SNAP91: variants seen among roughly 807,000 people sequenced by gnomAD.
The protein encoded by SNAP91 is synaptosome associated protein 91, also known as clathrin coat assembly protein AP180.
In SNAP91, 27 loss-of-function variants were observed where a neutral mutation model predicts 100.3. The observed-to-expected ratio is 0.27, with a 90% confidence interval of 0.20 to 0.37. The LOEUF is 0.37. SNAP91 is among the 10% of genes least tolerant of loss of function. The pLI, the probability that SNAP91 is intolerant of heterozygous loss-of-function variation, is 1.00. For missense variants in SNAP91, 986 were observed against 1,123.7 expected (o/e 0.88, Z 1.75); for synonymous variants, 404 against 398.6 (o/e 1.01, Z -0.16).
chr6:83,678,746 A>G (rs1255303019), intron 2 of SNAP91: 1 of 1,289,398 alleles, frequency 7.8e-7, no homozygotes, highest in East Asian at 5.5e-5. Flanking sequence ...TCCCAGCATT[A>G]TCCCACCTCT....
rs2095571184 is a variant in SNAP91, at chr6:83,605,767, C to A, written c.1059G>T (p.Gln353His). 1 of 1,553,136 alleles carries A rather than the reference C, an allele frequency of 6.4e-7. No homozygotes were observed. Among genetic ancestry groups the A allele is most frequent in the Non-Finnish European group, 8.7e-7 (1 of 1,147,854 alleles). ...CTGCCCCTCCAGAGGAAAAGTCTGGCTGGAGGTCCAGGAGATCACTAGATG... is the reference window on the plus strand; with the variant it reads ...CTGCCCCTCCAGAGGAAAAGTCTGGATGGAGGTCCAGGAGATCACTAGATG... ...SKPSSDLLDL[Q>H]PDFSSGGAAA... is the part of the protein sequence containing the mutation. Residue 353 changes from glutamine (Q) to histidine (H), a missense_variant, in exon 14 of 30, where the codon CAG (glutamine) becomes CAT (histidine). Transcript: ENST00000369694.
chr6:83,586,858 T>C (rs2128159723), intron 22 of SNAP91, among the ~76,000 whole-genome samples: 1 of 152,050 alleles, frequency 6.6e-6, no homozygotes, highest in South Asian at 2.1e-4. Flanking sequence ...ATGATTTTTC[T>C]AGTCTGGCCT....
intron 26 of SNAP91, among the ~76,000 whole-genome samples, chr6:83,566,395 A>G (rs1796623077): frequency 1.3e-5 from 2 of 152,170 alleles, no homozygotes; most frequent in Admixed American, 1.3e-4. Flanking sequence ...AAGAAAGAAA[A>G]TACCTATAAA....
At chr6:83,638,859 G>A (rs531955980) in intron 8 of SNAP91, among the ~76,000 whole-genome samples, 110 of 152,246 alleles carry the variant, frequency 7.2e-4, no homozygotes, top group Non-Finnish European at 1.5e-3. Flanking sequence ...CTACGATTCC[G>A]ATATCTACCT....
At chr6:83,643,861 T>C (rs1477796478) in intron 7 of SNAP91, among the ~76,000 whole-genome samples, 1 of 152,188 alleles carries the variant, frequency 6.6e-6, no homozygotes. Flanking sequence ...GCTAGGAGTT[T>C]AGAGAAAAGA....
chr6:83,596,027 C>T (rs754911467), intron 16 of SNAP91, among the ~76,000 whole-genome samples: 4 of 152,076 alleles, frequency 2.6e-5, no homozygotes, highest in Non-Finnish European at 5.9e-5. Context: ...CTGATTGTTC[C>T]TCTTTGTTAT....
chr6:83,576,888 G>A (rs1264895191), intron 24 of SNAP91, among the ~76,000 whole-genome samples: 4 of 152,132 alleles, frequency 2.6e-5, no homozygotes, highest in African/African-American at 9.7e-5. Flanking sequence ...ACATATGCCA[G>A]GCACTGTTTT....
At chr6:83,701,258 C>A (rs1292624625) in intron 2 of SNAP91, among the ~76,000 whole-genome samples, 1 of 151,980 alleles carries the variant, frequency 6.6e-6, no homozygotes, top group Non-Finnish European at 1.5e-5. Context: ...ATAAGAGAGA[C>A]AGAAGATGTT....
chr6:83,690,322 A>G (rs2128982830), intron 2 of SNAP91: 3 of 1,260,994 alleles, frequency 2.4e-6, no homozygotes, highest in Non-Finnish European at 1.0e-6. Context: ...CTTTAGCACA[A>G]CTTTTTAAAA....
chr6:83,624,027 G>A (rs1223040931), intron 8 of SNAP91, among the ~76,000 whole-genome samples: 5 of 151,996 alleles, frequency 3.3e-5, no homozygotes. Context: ...CACTAAAGTT[G>A]CTTTTGATCT....
intron 17 of SNAP91, 30 bp from the exon 18 acceptor site, chr6:83,593,771 A>G: frequency 6.5e-7 from 1 of 1,532,354 alleles, no homozygotes; most frequent in Admixed American, 2.1e-5. Flanking sequence ...AGACACACAC[A>G]GCATCAGTAA....
chr6:83,677,399 G>A (rs574879906), intron 2 of SNAP91, among the ~76,000 whole-genome samples: 9 of 152,236 alleles, frequency 5.9e-5, no homozygotes, highest in Non-Finnish European at 1.0e-4. Flanking sequence ...AGGAGATAAT[G>A]ACCATGAATG....
chr6:83,656,072 A>G (rs150097310), intron 7 of SNAP91, among the ~76,000 whole-genome samples: 15 of 152,280 alleles, frequency 9.9e-5, no homozygotes, highest in African/African-American at 3.6e-4. Context: ...GAAAAATGGT[A>G]AGAAACATTG....
intron 24 of SNAP91, among the ~76,000 whole-genome samples, chr6:83,579,094 T>C (rs1824158993): frequency 1.3e-5 from 2 of 152,224 alleles, no homozygotes; most frequent in African/African-American, 2.4e-5. Flanking sequence ...TTGGTCTCTA[T>C]GTCTATCCTT....
chr6:83,633,300 CTG>C (rs2128486829), intron 8 of SNAP91, among the ~76,000 whole-genome samples: 1 of 152,274 alleles, frequency 6.6e-6, no homozygotes, highest in Admixed American at 6.5e-5. Flanking sequence ...GAAATGAACT[CTG>C]TGAGGGTTTT....
At chr6:83,661,074 C>A (rs548831844) in intron 5 of SNAP91, among the ~76,000 whole-genome samples, 72 of 152,170 alleles carry the variant, frequency 4.7e-4, no homozygotes, top group Non-Finnish European at 6.8e-4. Flanking sequence ...TCCCAAAGTA[C>A]TGGGATTACA....
At chr6:83,617,154 G>T (rs886835871) in intron 9 of SNAP91, 115 bp from the exon 10 acceptor site, 2 of 546,334 alleles carry the variant, frequency 3.7e-6, no homozygotes, top group Non-Finnish European at 3.1e-6. Context: ...ATATATATGT[G>T]AGATAATTTA....
chr6:83,575,713 C>A, intron 25 of SNAP91: 1 of 287,862 alleles, frequency 3.5e-6, no homozygotes, highest in South Asian at 6.9e-5. Context: ...TTAGCTAGAA[C>A]TATGGTAATG....
intron 2 of SNAP91, chr6:83,678,717 G>C: frequency 7.8e-7 from 1 of 1,280,030 alleles, no homozygotes; most frequent in Non-Finnish European, 1.0e-6. Context: ...CTCCCCTATT[G>C]AGAATCCTTG....
Sources: gnomAD v4.1 joint callset for allele counts (sites outside exome capture counted in the v4.1 genomes callset) on GRCh38, gnomAD v4.1.1 for gene constraint, MANE v1.5 for transcripts, NCBI Gene and HGNC (gene_info 2026-07-23, HGNC 2026-07-21) for gene names.